Variants in NFE2L1 observed in about 807,000 individuals in gnomAD.
NFE2L1 encodes endoplasmic reticulum membrane sensor NFE2L1.
NFE2L1 carries 18 observed loss-of-function variants against 61.6 expected under a neutral mutation model. The ratio of observed to expected loss-of-function variants is 0.29; its 90% CI spans 0.20 to 0.43. The LOEUF (loss-of-function observed/expected upper bound fraction) is 0.43, where lower values mean the gene tolerates loss of function less well. NFE2L1 is among the 20% of genes least tolerant of loss of function. The probability of loss-of-function intolerance (pLI) is 1.00; values close to 1 mark genes in which losing one functional copy is unlikely to be tolerated. For missense variants in NFE2L1, 827 were observed against 973.5 expected (o/e 0.85, Z 2.00); for synonymous variants, 419 against 402.7 (o/e 1.04, Z -0.48).
Position 48,059,354 on chromosome 17 carries a change from A to G in NFE2L1, c.2032A>G (p.Thr678Ala). 1.2e-6 allele frequency: 2 copies of G among 1,614,206 alleles called. No homozygotes were observed. The highest frequency in any genetic ancestry group is 2.2e-5 in the East Asian group (1 of 44,886). ...GAACTGCCGCAAGCGCAAGCTGGACACCATCCTGAATCTGGAGCGTGATGT... is the reference window on the plus strand; with the variant it reads ...GAACTGCCGCAAGCGCAAGCTGGACGCCATCCTGAATCTGGAGCGTGATGT... ...AQNCRKRKLD[T>A]ILNLERDVED... Residue 678 changes from threonine to alanine, a missense_variant, in exon 6 of 6, where the codon ACC becomes GCC. Transcript: ENST00000362042. This position sits in a 1 kb window ranked among gnomAD's most constrained non-coding sequence, Gnocchi z 6.1.
At chr17:48,058,233 G>T in intron 5 of NFE2L1, 62 bp from the exon 6 acceptor site, 1 of 1,516,974 alleles carries the variant, frequency 6.6e-7, no homozygotes. Flanking sequence ...TGCCTGCAGT[G>T]TGTGAGCCCC....
intron 2 of NFE2L1, among the ~76,000 whole-genome samples, chr17:48,053,477 T>C (rs2037307720): frequency 6.6e-6 from 1 of 152,240 alleles, no homozygotes; most frequent in Non-Finnish European, 1.5e-5. Flanking sequence ...CTGGAACCGG[T>C]ATTATCCCTG....
At chr17:48,053,294 TG>T (rs1358141476) in intron 2 of NFE2L1, among the ~76,000 whole-genome samples, 1 of 152,172 alleles carries the variant, frequency 6.6e-6, no homozygotes, top group Non-Finnish European at 1.5e-5. Flanking sequence ...TCGTGAAGGT[TG>T]TGCTTTTCCT....
rs1243371744 is a variant in NFE2L1 at position 48,050,838 on chromosome 17, TGAG to T, written c.-278_-276del. The stretch of plus-strand genomic sequence containing the variant: ...GGAGAAAGTAAGTCACGTGGGCCCT[TGAG>T]GACCTGGACTGGGTTAGGAACAGTT... On this transcript the variant is annotated 5_prime_UTR_variant, in exon 2 of 6. Coordinates refer to ENST00000362042, the MANE Select transcript of NFE2L1 (RefSeq NM_003204.3). 5 of 593,928 alleles carry T rather than the reference TGAG, an allele frequency of 8.4e-6. No individual in the cohort carries two copies. The highest frequency in any genetic ancestry group is 3.0e-5 in the Admixed American group (1 of 33,606). The allele number at this position is 593,928 out of a possible 1,614,324, so 36.8% of individuals were successfully genotyped here.
At position 48,059,598 on chromosome 17, in the gene NFE2L1, A is replaced by C; in HGVS notation, c.2276A>C (p.Gln759Pro). 1 of 1,582,858 alleles carries C rather than the reference A, an allele frequency of 6.3e-7. No individual in the cohort carries two copies. The highest frequency in any genetic ancestry group is 8.6e-7 in the Non-Finnish European group (1 of 1,161,972). Residue 759 changes from glutamine (Q) to proline (P), a missense_variant, in exon 6 of 6, where the codon CAG (glutamine) becomes CCG (proline). Coordinates refer to ENST00000362042, the MANE Select transcript of NFE2L1 (RefSeq NM_003204.3). This position sits in a 1 kb window ranked among gnomAD's most constrained non-coding sequence, Gnocchi z 6.1. Reference sequence around the variant, plus strand: ...ATCCCCCGCACGATGGCCGACCAGCAGGCCCGGCGGCAGGAGAGGAAGCCA... The same window carrying C: ...ATCCCCCGCACGATGGCCGACCAGCCGGCCCGGCGGCAGGAGAGGAAGCCA... ...LLIPRTMADQQARRQERKPKD... is the reference protein window; with the variant it reads ...LLIPRTMADQPARRQERKPKD...
chr17:48,051,344 A>G lies in NFE2L1; in HGVS notation c.226A>G (p.Asn76Asp). The change falls in exon 2 of 6, where the codon AAT (asparagine) becomes GAT (aspartate). Residue 76 changes from asparagine to aspartate, a missense_variant. Transcript: ENST00000362042. ...CCACCCCAAGAGCATAGACCTGGAC[A>G]ATTACTTCACTGCCCGGCGGCTCCT... Reference protein sequence around the residue: ...GIHPKSIDLDNYFTARRLLSQ... With the variant: ...GIHPKSIDLDDYFTARRLLSQ... 1 of 1,614,104 alleles carries G rather than the reference A, an allele frequency of 6.2e-7. No individual in the cohort carries two copies. The highest frequency in any genetic ancestry group is 8.5e-7 in the Non-Finnish European group (1 of 1,180,016).
intron 1 of NFE2L1, chr17:48,048,882 G>A (rs2037161798): frequency 6.5e-6 from 1 of 152,808 alleles, no homozygotes. Context: ...GGCAGGGTGG[G>A]ACCAGCCTCA....
chr17:48,048,582 C>G (rs1482069173), intron 1 of NFE2L1, 120 bp downstream of exon 1: 1 of 152,112 alleles, frequency 6.6e-6, no homozygotes, highest in African/African-American at 2.4e-5. Flanking sequence ...GGGTTCCCGC[C>G]AGAGCCCGGC....
chr17:48,051,210 A>T lies in NFE2L1; in HGVS notation c.92A>T (p.Tyr31Phe). The change falls in exon 2 of 6, where the codon TAC becomes TTC. Residue 31 changes from tyrosine (Y) to phenylalanine (F), a missense_variant. Tyr to Phe is a conservative substitution (Grantham distance 22). Around this residue, in one of 3 missense-constraint regions of NFE2L1, gnomAD observed 667 missense variants for 748.4 expected, o/e 0.89. Coordinates refer to ENST00000362042, the MANE Select transcript of NFE2L1 (RefSeq NM_003204.3). Reference sequence around the variant, plus strand: ...GGGGTACGGGTGGACGTGGATACTTACCTGACCTCACAGCTTCCCCCACTC... The same window carrying T: ...GGGGTACGGGTGGACGTGGATACTTTCCTGACCTCACAGCTTCCCCCACTC... Reference protein sequence around the residue: ...LIGVRVDVDTYLTSQLPPLRE... With the variant: ...LIGVRVDVDTFLTSQLPPLRE... The T allele has an allele frequency of 6.2e-7, 1 of 1,614,136 alleles. No individual in the cohort carries two copies. The highest frequency in any genetic ancestry group is 8.5e-7 in the Non-Finnish European group (1 of 1,180,016).
chr17:48,051,053 T>A lies in NFE2L1; in HGVS notation c.-66T>A, dbSNP rs1188904570. On this transcript the variant is annotated 5_prime_UTR_variant, in exon 2 of 6. Coordinates refer to ENST00000362042, the MANE Select transcript of NFE2L1 (RefSeq NM_003204.3). The stretch of plus-strand genomic sequence containing the variant: ...CCTGCTGGCTGGAGCGGCAGAGCAG[T>A]GGCCTTGATTTGTCTTTTGGAAGAT... 6.2e-7 allele frequency: 1 copy of A among 1,600,518 alleles called. No homozygotes were observed. Among genetic ancestry groups the A allele is most frequent in the Non-Finnish European group, 8.5e-7 (1 of 1,171,272 alleles).
chr17:48,049,992 G>C (rs191873448), intron 1 of NFE2L1, among the ~76,000 whole-genome samples: 1 of 152,318 alleles, frequency 6.6e-6, no homozygotes, highest in East Asian at 1.9e-4. Context: ...TAAAACAAAG[G>C]TGTAAGATAT....
In NFE2L1 at chr17:48,059,028, A is replaced by G. The variant is rs1034170636; in HGVS notation, c.1706A>G (p.Glu569Gly). ...PAQLSCLPYLEHVGHNHTYNM... is the reference protein window; with the variant it reads ...PAQLSCLPYLGHVGHNHTYNM... ...CAGCTCTCATGCCTGCCCTACCTGGAGCACGTGGGCCACAACCACACATAC... is the reference window on the plus strand; with the variant it reads ...CAGCTCTCATGCCTGCCCTACCTGGGGCACGTGGGCCACAACCACACATAC... The change falls in exon 6 of 6, where the codon GAG becomes GGG. Residue 569 changes from glutamate (E) to glycine (G), a missense_variant. Coordinates refer to ENST00000362042, the MANE Select transcript of NFE2L1 (RefSeq NM_003204.3). The surrounding 1 kb of genome is among the most constrained non-coding windows in gnomAD (Gnocchi z 6.1). The G allele has an allele frequency of 1.9e-6, 3 of 1,613,924 alleles. No homozygotes were observed. In the African/African-American group the frequency reaches 4.0e-5, roughly 22 times the overall value.
In NFE2L1 at chr17:48,059,511, G is replaced by A; in HGVS notation, c.2189G>A (p.Gly730Glu). The change falls in exon 6 of 6, where the codon GGA (glycine) becomes GAA (glutamate). Residue 730 changes from glycine (G) to glutamate (E), a missense_variant. Gly to Glu is a moderately conservative substitution (Grantham distance 98). Transcript: ENST00000362042. The surrounding 1 kb of genome is among the most constrained non-coding windows in gnomAD (Gnocchi z 6.1). ...EVFGRLRDEN[G>E]RPYSPSQYAL... ...TTTGGGCGGCTGCGAGATGAGAACG[G>A]ACGACCCTACTCGCCCAGTCAGTAT... The A allele has an allele frequency of 6.2e-7, 1 of 1,614,060 alleles. No individual in the cohort carries two copies. Among genetic ancestry groups the A allele is most frequent in the Non-Finnish European group, 8.5e-7 (1 of 1,179,952 alleles).
chr17:48,054,584 A>C (rs770930004), intron 2 of NFE2L1: 1 of 861,208 alleles, frequency 1.2e-6, no homozygotes, highest in Non-Finnish European at 1.5e-6. Context: ...CTGCAGCCTC[A>C]GCAGTGACCT....
At position 48,050,619 on chromosome 17, in the gene NFE2L1, AC is replaced by A; in HGVS notation, c.-494del. 1 of 407,752 alleles carries A rather than the reference AC, an allele frequency of 2.5e-6. No individual in the cohort carries two copies. The highest frequency in any genetic ancestry group is 4.3e-6 in the Non-Finnish European group (1 of 230,718). The allele number at this position is 407,752 out of a possible 1,614,324, so 25.3% of individuals were successfully genotyped here. A position where few individuals can be genotyped will look rare whatever the true frequency, so the allele number is the denominator to read the frequency against. ...ATTCCCATTTCAGGTTTCTCTGGAA[AC>A]CCCCCTGGTAAGTGTGGAGGAGGCG... On this transcript the variant is annotated 5_prime_UTR_variant, in exon 2 of 6. Transcript: ENST00000362042.
chr17:48,056,309 A>AG, intron 2 of NFE2L1, 77 bp from the exon 3 acceptor site: 1 of 1,556,922 alleles, frequency 6.4e-7, no homozygotes, highest in Non-Finnish European at 8.8e-7. Context: ...GGGTGACACT[A>AG]GGAGGGAACT....
In NFE2L1 at chr17:48,060,042, C is replaced by CCG. The variant is rs1555575565; in HGVS notation, c.*402_*403insGC. On this transcript the variant is annotated 3_prime_UTR_variant, in exon 6 of 6. Coordinates refer to ENST00000362042, the MANE Select transcript of NFE2L1 (RefSeq NM_003204.3). ...AGAAGGAAGGAAGGAAGGAACCCCC[C>CCG]CCCCCCCGAAAAAAAAATCAAAGCG... The CCG allele has an allele frequency of 6.8e-6, 1 of 146,712 alleles. No homozygotes were observed. Among genetic ancestry groups the CCG allele is most frequent in the African/African-American group, 2.7e-5 (1 of 36,726 alleles). The allele number at this position is 146,712 out of a possible 1,614,324, so 9.1% of individuals were successfully genotyped here. A position where few individuals can be genotyped will look rare whatever the true frequency, so the allele number is the denominator to read the frequency against.
Position 48,059,856 on chromosome 17 carries a change from C to T in NFE2L1, c.*215C>T, listed in dbSNP as rs959929133. The T allele has an allele frequency of 2.7e-5, 17 of 626,666 alleles. No homozygotes were observed. The Admixed American group carries it at 3.4e-4, about 12-fold the overall frequency. 38.8% of individuals were successfully genotyped at this position (626,666 alleles called of 1,614,324 possible). On this transcript the variant is annotated 3_prime_UTR_variant, in exon 6 of 6. Coordinates refer to ENST00000362042, the MANE Select transcript of NFE2L1 (RefSeq NM_003204.3). This position sits in a 1 kb window ranked among gnomAD's most constrained non-coding sequence, Gnocchi z 6.1. ...AGTGGAAGTGGCCAGACCATTTAGA[C>T]GGACAGGGTCCTCACCCTACCCCTT...
intron 1 of NFE2L1, chr17:48,048,796 G>A (rs73327306): frequency 0.035 from 5,319 of 152,738 alleles, 105 homozygotes; most frequent in East Asian, 0.052. Context: ...TTGTTCGCTG[G>A]CCGCCCCTGG....
Sources: allele counts gnomAD v4.1 joint callset (sites outside exome capture counted in the v4.1 genomes callset), GRCh38; gene constraint gnomAD v4.1.1; regional missense constraint gnomAD v4.1.1; non-coding constraint Gnocchi (gnomAD v3.1); transcripts MANE v1.5; gene names NCBI Gene and HGNC (gene_info 2026-07-23, HGNC 2026-07-21).